PEX5L: variants seen among roughly 807,000 people sequenced by gnomAD.
PEX5L encodes the protein peroxisomal biogenesis factor 5 like.
In PEX5L, 30 loss-of-function variants were observed where a neutral mutation model predicts 84.0. The ratio of observed to expected loss-of-function variants is 0.36; its 90% CI spans 0.27 to 0.48. The LOEUF (loss-of-function observed/expected upper bound fraction) is 0.48. PEX5L is among the 20% of genes least tolerant of loss of function. The pLI, the probability that PEX5L is intolerant of heterozygous loss-of-function variation, is 0.99. For synonymous variants in PEX5L, 270 were observed against 283.1 expected (o/e 0.95, Z 0.46); for missense variants, 533 against 754.6 (o/e 0.71, Z 3.44).
chr3:179,808,840 G>C (rs1489920143), intron 12 of PEX5L, among the ~76,000 whole-genome samples: 2 of 152,050 alleles, frequency 1.3e-5, no homozygotes, highest in Non-Finnish European at 2.9e-5. Flanking sequence ...CACTTTGGGA[G>C]GCCGAGGCGG....
At chr3:179,923,027 C>T (rs1257018205) in intron 2 of PEX5L, among the ~76,000 whole-genome samples, 1 of 151,886 alleles carries the variant, frequency 6.6e-6, no homozygotes, top group African/African-American at 2.4e-5. Flanking sequence ...CAGTGGCTCA[C>T]GCCTGTAATC....
chr3:179,917,076 T>A (rs958024164), intron 2 of PEX5L, among the ~76,000 whole-genome samples: 1 of 151,674 alleles, frequency 6.6e-6, no homozygotes, highest in Non-Finnish European at 1.5e-5. Flanking sequence ...TTCTATAAGG[T>A]TTTTTCTATT....
intron 2 of PEX5L, among the ~76,000 whole-genome samples, chr3:179,957,332 G>C (rs1780835527): frequency 6.6e-6 from 1 of 152,156 alleles, no homozygotes; most frequent in Non-Finnish European, 1.5e-5. Flanking sequence ...ATTGCCAGTA[G>C]TCTAGCATTA....
chr3:179,944,233 T>C (rs1057336016), intron 2 of PEX5L, among the ~76,000 whole-genome samples: 4 of 152,336 alleles, frequency 2.6e-5, no homozygotes, highest in East Asian at 3.9e-4. Context: ...ACTCAGATGA[T>C]AGCAGACTGC....
At chr3:179,811,093 T>TAA (rs1198913363) in intron 11 of PEX5L, among the ~76,000 whole-genome samples, 1 of 152,128 alleles carries the variant, frequency 6.6e-6, no homozygotes, top group Non-Finnish European at 1.5e-5. Context: ...TCCAAGATTG[T>TAA]AAAGCCCTAG....
chr3:179,883,558 C>T (rs997587944), intron 4 of PEX5L, among the ~76,000 whole-genome samples: 2 of 152,080 alleles, frequency 1.3e-5, no homozygotes, highest in Non-Finnish European at 2.9e-5. Flanking sequence ...CTGAGGCAGG[C>T]GGATCACCTG....
intron 1 of PEX5L, among the ~76,000 whole-genome samples, chr3:179,990,917 T>C (rs1787321792): frequency 6.6e-6 from 1 of 152,240 alleles, no homozygotes; most frequent in African/African-American, 2.4e-5. Context: ...GCTAGTCTGC[T>C]TTGAAGCTAT....
In PEX5L at chr3:179,992,863, CATGTATGTATGTATGTATGTGTCTATGT is replaced by C. The variant is rs1287768473; in HGVS notation, c.22-21226_22-21199del. Among the ~76,000 whole-genome samples the C allele has an allele frequency of 2.0e-5, 3 of 150,876 alleles. No homozygotes were observed. In the East Asian group the frequency reaches 5.8e-4, roughly 29 times the overall value. On this transcript the variant is annotated intron_variant, in intron 1 of 14. Transcript: ENST00000467460. ...ATTTGATTTTTGACCTGGTTCTTTG[CATGTATGTATGTATGTATGTGTCTATGT>C]ATGTATGTATGTATGTACATATGTA... is the stretch of plus-strand genomic sequence containing the variant.
intron 1 of PEX5L, among the ~76,000 whole-genome samples, chr3:180,009,266 T>C (rs1469832747): frequency 1.3e-5 from 2 of 152,204 alleles, no homozygotes; most frequent in African/African-American, 4.8e-5. Context: ...ATCACATTCC[T>C]TAACTTTTCT....
intron 8 of PEX5L, among the ~76,000 whole-genome samples, chr3:179,828,655 C>CTATGTG (rs1328887711): frequency 2.6e-5 from 4 of 150,962 alleles, no homozygotes; most frequent in Non-Finnish European, 5.9e-5. Flanking sequence ...TTACCTTTAA[C>CTATGTG]TATGTGTATG....
intron 1 of PEX5L, among the ~76,000 whole-genome samples, chr3:180,011,562 G>T (rs574383171): frequency 1.3e-5 from 2 of 152,094 alleles, no homozygotes; most frequent in African/African-American, 4.8e-5. Flanking sequence ...TACCATTATA[G>T]AAAAAATTTA....
At chr3:179,921,190 G>A (rs1198467649) in intron 2 of PEX5L, among the ~76,000 whole-genome samples, 1 of 151,988 alleles carries the variant, frequency 6.6e-6, no homozygotes, top group Non-Finnish European at 1.5e-5. Context: ...GTAATAAATG[G>A]GATTTTTTAG....
At chr3:179,831,095 A>G (rs1732693058) in intron 8 of PEX5L, among the ~76,000 whole-genome samples, 1 of 152,152 alleles carries the variant, frequency 6.6e-6, no homozygotes, top group African/African-American at 2.4e-5. Flanking sequence ...AGGCAGGTGG[A>G]TAATGAGGTC....
chr3:179,854,587 A>T (rs1329291234), intron 8 of PEX5L, among the ~76,000 whole-genome samples: 2 of 152,220 alleles, frequency 1.3e-5, no homozygotes, highest in Non-Finnish European at 2.9e-5. Context: ...TTTAATGTCA[A>T]CTATTAAAAT....
At chr3:179,904,117 G>A (rs1762330063) in intron 2 of PEX5L, among the ~76,000 whole-genome samples, 1 of 152,164 alleles carries the variant, frequency 6.6e-6, no homozygotes, top group African/African-American at 2.4e-5. Context: ...AGAAATTGGT[G>A]CCTATCTATT....
chr3:179,850,027 C>T (rs1741169929), intron 8 of PEX5L, among the ~76,000 whole-genome samples: 1 of 152,024 alleles, frequency 6.6e-6, no homozygotes, highest in Non-Finnish European at 1.5e-5. Context: ...TGGCAACTAC[C>T]CATAATTCTG....
At chr3:179,892,485 T>G (rs1757924167) in intron 3 of PEX5L, among the ~76,000 whole-genome samples, 1 of 152,156 alleles carries the variant, frequency 6.6e-6, no homozygotes. Context: ...AGAATTTTTT[T>G]TGTATTCAAC....
chr3:179,936,404 G>A (rs907279896), intron 2 of PEX5L, among the ~76,000 whole-genome samples: 1 of 152,082 alleles, frequency 6.6e-6, no homozygotes, highest in Non-Finnish European at 1.5e-5. Context: ...CCTATCTCTT[G>A]GATTCTTAGA....
intron 1 of PEX5L, among the ~76,000 whole-genome samples, chr3:180,036,367 A>G (rs951167311): frequency 6.6e-6 from 1 of 152,104 alleles, no homozygotes; most frequent in Admixed American, 6.5e-5. Context: ...AACTTCCCCA[A>G]TCGAAGTTCT....
Sources: allele counts gnomAD v4.1 joint callset (sites outside exome capture counted in the v4.1 genomes callset), GRCh38; gene constraint gnomAD v4.1.1; transcripts MANE v1.5; gene names NCBI Gene and HGNC (gene_info 2026-07-23, HGNC 2026-07-21).